CDKL2: variants seen among roughly 807,000 people sequenced by gnomAD.
CDKL2 encodes cyclin-dependent kinase-like 2.
A neutral mutation model predicts 63.9 loss-of-function variants in CDKL2; 64 were observed. The observed-to-expected ratio is 1.00, with a 90% CI of 0.82 to 1.23. CDKL2 has a LOEUF of 1.23. Ranked by LOEUF, CDKL2 falls within the 50% of genes most tolerant of loss-of-function variation. The pLI is 0.00. For missense variants in CDKL2, 656 were observed against 668.0 expected (o/e 0.98, Z 0.20); for synonymous variants, 211 against 229.2 (o/e 0.92, Z 0.72).
At chr4:75,620,650 C>G (rs967626123) in intron 2 of CDKL2, among the ~76,000 whole-genome samples, 2 of 152,062 alleles carry the variant, frequency 1.3e-5, no homozygotes, top group Non-Finnish European at 2.9e-5. Context: ...GTGAGCCAGG[C>G]AATTAGGGCC....
chr4:75,611,905 C>T (rs1448216897), intron 3 of CDKL2, among the ~76,000 whole-genome samples: 4 of 151,930 alleles, frequency 2.6e-5, no homozygotes, highest in East Asian at 3.9e-4. Flanking sequence ...CCACCCGCCT[C>T]GGCCTCCCAA....
chr4:75,611,472 A>AG (rs1168943649), intron 3 of CDKL2, among the ~76,000 whole-genome samples: 1 of 151,630 alleles, frequency 6.6e-6, no homozygotes, highest in East Asian at 1.9e-4. Flanking sequence ...AAAAAAAAAA[A>AG]AAAAAAAAGA....
chr4:75,587,729 C>A (rs1229670584), intron 12 of CDKL2, among the ~76,000 whole-genome samples: 1 of 148,330 alleles, frequency 6.7e-6, no homozygotes, highest in African/African-American at 2.5e-5. Flanking sequence ...CGGTGAAACC[C>A]CATCTCTACT....
intron 6 of CDKL2, among the ~76,000 whole-genome samples, chr4:75,603,295 C>T (rs188522123): frequency 1.3e-5 from 2 of 151,578 alleles, no homozygotes; most frequent in African/African-American, 2.4e-5. Context: ...CCACCGCGCC[C>T]GGCCAATAAA....
Position 75,581,904 on chromosome 4 carries a change from A to C in CDKL2, c.1648-6T>G. The C allele has an allele frequency of 6.3e-7, 1 of 1,598,202 alleles. No individual in the cohort carries two copies. On this transcript the variant is annotated splice_region_variant and splice_polypyrimidine_tract_variant and intron_variant, in intron 12 of 13. Coordinates refer to ENST00000307465, the MANE Select transcript of CDKL2 (RefSeq NM_001330724.2). ...GACAGGGGAGGTCCTGATACCTATA[A>C]ATTAATAATAGAGCATCATAGGTTC...
At chr4:75,627,720 A>T (rs201765571) in intron 1 of CDKL2, among the ~76,000 whole-genome samples, 11 of 133,204 alleles carry the variant, frequency 8.3e-5, no homozygotes, top group East Asian at 2.1e-4. Flanking sequence ...ATTTTTCTTT[A>T]CTTTTTTTTT....
chr4:75,621,156 G>A (rs929294316), intron 2 of CDKL2, among the ~76,000 whole-genome samples: 1 of 151,816 alleles, frequency 6.6e-6, no homozygotes, highest in African/African-American at 2.4e-5. Flanking sequence ...GGCTGGTCTC[G>A]AACCCCTGAC....
chr4:75,613,806 A>T (rs1315631652), intron 3 of CDKL2, among the ~76,000 whole-genome samples: 1 of 152,236 alleles, frequency 6.6e-6, no homozygotes, highest in Non-Finnish European at 1.5e-5. Context: ...CTGTAATCCC[A>T]GCACTTTGGG....
At position 75,597,161 on chromosome 4, in the gene CDKL2, C is replaced by G; in HGVS notation, c.1096G>C (p.Ala366Pro). ...IKGSKIDGEK[A>P]EKGNRASNAS... ...TTTGAAGCTCTATTGCCTTTTTCAG[C>G]TTTTTCTCCATCAATTTTTGAGCCT... The change falls in exon 9 of 14, where the codon GCT becomes CCT. Residue 366 changes from alanine (A) to proline (P), a missense_variant. Physicochemically the swap from Ala to Pro is conservative, Grantham distance 27. Coordinates refer to ENST00000307465, the MANE Select transcript of CDKL2 (RefSeq NM_001330724.2). 6.2e-7 allele frequency: 1 copy of G among 1,613,718 alleles called. No individual in the cohort carries two copies. Among genetic ancestry groups the G allele is most frequent in the Non-Finnish European group, 8.5e-7 (1 of 1,179,680 alleles).
intron 3 of CDKL2, among the ~76,000 whole-genome samples, chr4:75,610,770 G>A (rs1004500580): frequency 3.3e-5 from 5 of 152,008 alleles, no homozygotes; most frequent in African/African-American, 9.7e-5. Flanking sequence ...GAGAATAAAT[G>A]TTCTCATTTT....
chr4:75,628,619 C>A (rs1730543190), intron 1 of CDKL2, among the ~76,000 whole-genome samples: 1 of 152,078 alleles, frequency 6.6e-6, no homozygotes, highest in African/African-American at 2.4e-5. Flanking sequence ...TTATTTCAGT[C>A]CAAATACAGA....
Position 75,597,139 on chromosome 4 carries a change from G to T in CDKL2, c.1118C>A (p.Ser373Ter), listed in dbSNP as rs910259288. The T allele has an allele frequency of 1.2e-6, 2 of 1,614,014 alleles. No homozygotes were observed. The highest frequency in any genetic ancestry group is 1.7e-6 in the Non-Finnish European group (2 of 1,179,914). ...GEKAEKGNRA[S>*]NASCLHDSRT... ...ACTGTCATGGAGACAGCTGGCATTT[G>T]AAGCTCTATTGCCTTTTTCAGCTTT... Residue 373 changes from serine (S) to a stop codon, truncating the protein, a stop_gained, in exon 9 of 14, where the codon TCA (serine) becomes TAA (stop). Coordinates refer to ENST00000307465, the MANE Select transcript of CDKL2 (RefSeq NM_001330724.2). LOFTEE classifies it high-confidence loss of function.
chr4:75,624,364 C>T (rs897498826), intron 2 of CDKL2, among the ~76,000 whole-genome samples: 1 of 151,664 alleles, frequency 6.6e-6, no homozygotes, highest in African/African-American at 2.4e-5. Flanking sequence ...CCAGCCTGAG[C>T]AACACAGTGA....
rs1728086302 is a variant in CDKL2, at chr4:75,577,805, A to G, written c.*1397T>C. Among the ~76,000 whole-genome samples, 1 of 152,184 alleles carries G rather than the reference A, an allele frequency of 6.6e-6. No homozygotes were observed. Among genetic ancestry groups the G allele is most frequent in the African/African-American group, 2.4e-5 (1 of 41,446 alleles). ...CAATTTTAATTTAACCACCACCTAT[A>G]GACTTGTACATTGAAACCCCTTATT... On this transcript the variant is annotated 3_prime_UTR_variant, in exon 14 of 14. Transcript: ENST00000307465.
chr4:75,591,750 TA>T, intron 12 of CDKL2, 68 bp downstream of exon 12: 1 of 1,029,808 alleles, frequency 9.7e-7, no homozygotes, highest in Non-Finnish European at 1.4e-6. Flanking sequence ...AAACTCTCCC[TA>T]AAATACTTTA....
At chr4:75,607,957 C>T (rs1297799441) in intron 3 of CDKL2, among the ~76,000 whole-genome samples, 1 of 151,660 alleles carries the variant, frequency 6.6e-6, no homozygotes, top group Non-Finnish European at 1.5e-5. Flanking sequence ...GGACTACTGG[C>T]GCCTGCCACC....
At position 75,596,296 on chromosome 4, in the gene CDKL2, G is replaced by T. The variant is rs760712513; in HGVS notation, c.1367C>A (p.Pro456Gln). 3 of 1,612,250 alleles carry T rather than the reference G, an allele frequency of 1.9e-6. No individual in the cohort carries two copies. The highest frequency in any genetic ancestry group is 2.5e-6 in the Non-Finnish European group (3 of 1,178,510). The change falls in exon 10 of 14, where the codon CCG becomes CAG. Residue 456 changes from proline (P) to glutamine (Q), a missense_variant. Physicochemically the swap from Pro to Gln is moderately conservative, Grantham distance 76 (BLOSUM62 -1). Transcript: ENST00000307465. ...AATGCCTGATGGGGAATGTCTGTTC[G>T]GTTTAACAAATGGAATAGAACACTT... Reference protein sequence around the residue: ...TKKCSIPFVKPNRHSPSGIYN... With the variant: ...TKKCSIPFVKQNRHSPSGIYN...
chr4:75,614,388 T>G lies in CDKL2; in HGVS notation c.230A>C (p.Tyr77Ser), dbSNP rs35921414. The G allele has an allele frequency of 2.5e-6, 4 of 1,603,758 alleles. No homozygotes were observed. Among genetic ancestry groups the G allele is most frequent in the Non-Finnish European group, 2.6e-6 (3 of 1,173,668 alleles). Residue 77 changes from tyrosine (Y) to serine (S), a missense_variant, in exon 3 of 14, where the codon TAC becomes TCC. Coordinates refer to ENST00000307465, the MANE Select transcript of CDKL2 (RefSeq NM_001330724.2). The part of the protein sequence containing the change: ...LEVCKKKKRW[Y>S]LVFEFVDHTI... ...GTGGTCAACAAATTCAAAGACTAGGTACCATCGTTTTTTTTTCTTACACAC... is the reference window on the plus strand; with the variant it reads ...GTGGTCAACAAATTCAAAGACTAGGGACCATCGTTTTTTTTTCTTACACAC...
At chr4:75,613,684 C>A (rs1236604560) in intron 3 of CDKL2, among the ~76,000 whole-genome samples, 1 of 152,162 alleles carries the variant, frequency 6.6e-6, no homozygotes, top group Admixed American at 6.5e-5. Flanking sequence ...AATACACAGA[C>A]CCTTGGGTCT....
Sources: allele counts gnomAD v4.1 joint callset (sites outside exome capture counted in the v4.1 genomes callset), GRCh38; gene constraint gnomAD v4.1.1; transcripts MANE v1.5; gene names NCBI Gene and HGNC (gene_info 2026-07-23, HGNC 2026-07-21).